Variants in UBE2F observed in about 807,000 individuals in gnomAD.
The protein encoded by UBE2F is NEDD8-conjugating enzyme UBE2F.
Under a neutral mutation model 29.6 loss-of-function variants are expected in UBE2F, and 5 were observed. The observed-to-expected ratio is 0.17, with a 90% confidence interval of 0.09 to 0.36. The LOEUF is 0.36. Among genes scored for constraint, UBE2F ranks in the 10% least tolerant of loss-of-function variants. The pLI, the probability that UBE2F is intolerant of heterozygous loss-of-function variation, is 1.00. For missense variants in UBE2F, 141 were observed against 228.5 expected (o/e 0.62, Z 2.47); for synonymous variants, 66 against 81.8 (o/e 0.81, Z 1.04).
intron 3 of UBE2F, chr2:237,990,283 ACTCTT>A (rs774394563): frequency 8.4e-5 from 32 of 382,056 alleles, no homozygotes; most frequent in Admixed American, 1.4e-4. Context: ...GGTTCATTAT[ACTCTT>A]CTCTTTTATT....
At chr2:238,016,189 AC>A (rs933215854) in intron 4 of UBE2F, among the ~76,000 whole-genome samples, 1 of 152,118 alleles carries the variant, frequency 6.6e-6, no homozygotes, top group Non-Finnish European at 1.5e-5. Context: ...TCTTGGGGAG[AC>A]CAGCAGTAAG....
chr2:237,986,462 G>A (rs2063484687), intron 2 of UBE2F, among the ~76,000 whole-genome samples: 1 of 152,102 alleles, frequency 6.6e-6, no homozygotes, highest in Non-Finnish European at 1.5e-5. Context: ...CACATAGGCT[G>A]CCTTTTTATT....
At chr2:237,996,684 C>T (rs2106355799) in intron 4 of UBE2F, among the ~76,000 whole-genome samples, 1 of 152,180 alleles carries the variant, frequency 6.6e-6, no homozygotes, top group South Asian at 2.1e-4. Flanking sequence ...CTGTGTTGGC[C>T]AGGCTAGTCT....
intron 6 of UBE2F, among the ~76,000 whole-genome samples, chr2:238,028,070 T>G (rs1286554819): frequency 1.3e-5 from 2 of 152,260 alleles, no homozygotes; most frequent in Non-Finnish European, 2.9e-5. Context: ...ATGACATCTC[T>G]GATAGCCAAG....
Position 238,041,389 on chromosome 2 carries a change from C to T in UBE2F, c.*51C>T. 6.3e-7 allele frequency: 1 copy of T among 1,594,404 alleles called. No homozygotes were observed. The highest frequency in any genetic ancestry group is 1.1e-5 in the South Asian group (1 of 90,494). On this transcript the variant is annotated 3_prime_UTR_variant, in exon 10 of 10. Coordinates refer to ENST00000272930, the MANE Select transcript of UBE2F (RefSeq NM_080678.3). Reference sequence around the variant, plus strand: ...GGACTGTGTTACAGTTTGTCTCTAACATGAAACAGCAAGAGGTAGCCCCCT... The same window carrying T: ...GGACTGTGTTACAGTTTGTCTCTAATATGAAACAGCAAGAGGTAGCCCCCT...
rs2064825486 is a variant in UBE2F at position 238,040,981 on chromosome 2, A to G, written c.508-307A>G. Reference sequence around the variant, plus strand: ...GTCTTGGCTTTGTGACCTCGACCACACTTTTCTGGGCTCCACTTTCCCCAT... The same window carrying G: ...GTCTTGGCTTTGTGACCTCGACCACGCTTTTCTGGGCTCCACTTTCCCCAT... On this transcript the variant is annotated intron_variant, in intron 9 of 9. Coordinates refer to ENST00000272930, the MANE Select transcript of UBE2F (RefSeq NM_080678.3). The surrounding 1 kb of genome is among the most constrained non-coding windows in gnomAD (Gnocchi z 4.4). Among the ~76,000 whole-genome samples the G allele has an allele frequency of 6.6e-6, 1 of 152,082 alleles. No individual in the cohort carries two copies. The highest frequency in any genetic ancestry group is 1.5e-5 in the Non-Finnish European group (1 of 68,010).
rs1426439043 is a variant in UBE2F, at chr2:237,993,352, AG to A, written c.149-1391del. The stretch of plus-strand genomic sequence containing the variant: ...GATGTCTGTGGTGCTAAGAGAACAG[AG>A]TAGAAATTTGACCTGGGTTTTTCCT... On this transcript the variant is annotated intron_variant, in intron 3 of 9. Coordinates refer to ENST00000272930, the MANE Select transcript of UBE2F (RefSeq NM_080678.3). Among the ~76,000 whole-genome samples the A allele has an allele frequency of 6.6e-5, 10 of 152,224 alleles. No homozygotes were observed. The East Asian group carries it at 1.5e-3, about 24-fold the overall frequency.
At chr2:238,003,501 T>C in intron 4 of UBE2F, 1 of 433,404 alleles carries the variant, frequency 2.3e-6, no homozygotes. Context: ...AGTCAGATTC[T>C]CTCGTGGGAT....
intron 8 of UBE2F, 24 bp downstream of exon 8, chr2:238,032,278 A>C: frequency 6.3e-7 from 1 of 1,591,200 alleles, no homozygotes; most frequent in Non-Finnish European, 8.6e-7. Flanking sequence ...TCAAAATCCC[A>C]AGTTATTCTC....
chr2:238,029,111 T>C lies in UBE2F; in HGVS notation c.354-1445T>C, dbSNP rs1434300579. 3 of 152,184 alleles carry C rather than the reference T, an allele frequency of 2.0e-5. No homozygotes were observed. The East Asian group carries it at 5.8e-4, about 29-fold the overall frequency. The allele number at this position is 152,184 out of a possible 1,614,324, so 9.4% of individuals were successfully genotyped here. On this transcript the variant is annotated intron_variant, in intron 6 of 9. Coordinates refer to ENST00000272930, the MANE Select transcript of UBE2F (RefSeq NM_080678.3). Reference sequence around the variant, plus strand: ...GTATATGGTGTGCCTTTACAGCTGATAGACAGTAATGACCAGGACTCTCAG... The same window carrying C: ...GTATATGGTGTGCCTTTACAGCTGACAGACAGTAATGACCAGGACTCTCAG...
At chr2:237,980,925 C>T (rs1207741596) in intron 2 of UBE2F, among the ~76,000 whole-genome samples, 1 of 152,128 alleles carries the variant, frequency 6.6e-6, no homozygotes, top group Non-Finnish European at 1.5e-5. Context: ...GTGGGGGCCT[C>T]TGTGGTGATC....
intron 4 of UBE2F, among the ~76,000 whole-genome samples, chr2:238,010,901 G>A (rs760457461): frequency 6.6e-6 from 1 of 152,126 alleles, no homozygotes; most frequent in Admixed American, 6.5e-5. Flanking sequence ...CTTCATGGTA[G>A]CAACTCTGCC....
chr2:237,976,731 A>G lies in UBE2F; in HGVS notation c.118+3506A>G, dbSNP rs574924372. Reference sequence around the variant, plus strand: ...CCTAGAGGCCCCACCTCTTAATACTACCACAGTGGGGATTAAGCTTCAGCA... The same window carrying G: ...CCTAGAGGCCCCACCTCTTAATACTGCCACAGTGGGGATTAAGCTTCAGCA... On this transcript the variant is annotated intron_variant, in intron 2 of 9. Coordinates refer to ENST00000272930, the MANE Select transcript of UBE2F (RefSeq NM_080678.3). Among the ~76,000 whole-genome samples the G allele has an allele frequency of 4.6e-5, 7 of 152,138 alleles. No homozygotes were observed. In the East Asian group the frequency reaches 5.8e-4, roughly 13 times the overall value.
chr2:238,033,436 CT>C (rs2064631851), intron 8 of UBE2F, among the ~76,000 whole-genome samples: 1 of 152,162 alleles, frequency 6.6e-6, no homozygotes, highest in Admixed American at 6.5e-5. Context: ...CCTAAGGTGC[CT>C]CTATGATCTT....
intron 2 of UBE2F, among the ~76,000 whole-genome samples, chr2:237,977,656 T>G (rs2063308488): frequency 6.6e-6 from 1 of 152,052 alleles, no homozygotes; most frequent in African/African-American, 2.4e-5. Context: ...AGTGGTGCTG[T>G]GGAGGCTGCT....
At chr2:238,034,622 CTT>C (rs2064663294) in intron 8 of UBE2F, among the ~76,000 whole-genome samples, 1 of 152,232 alleles carries the variant, frequency 6.6e-6, no homozygotes, top group African/African-American at 2.4e-5. Flanking sequence ...TGATAACAGT[CTT>C]TATCTAATAT....
intron 9 of UBE2F, 44 bp downstream of exon 9, chr2:238,035,984 G>A (rs368919305): frequency 4.6e-6 from 7 of 1,512,370 alleles, no homozygotes; most frequent in Middle Eastern, 1.8e-4. Context: ...TACTTGTCAC[G>A]AACACGATTA....
At chr2:237,971,525 T>C (rs2063176629) in intron 1 of UBE2F, among the ~76,000 whole-genome samples, 2 of 152,164 alleles carry the variant, frequency 1.3e-5, no homozygotes, top group Non-Finnish European at 2.9e-5. Flanking sequence ...GGTTTCACCA[T>C]GTTGGCCAGG....
At chr2:237,971,296 G>T (rs1408482187) in intron 1 of UBE2F, among the ~76,000 whole-genome samples, 1 of 152,130 alleles carries the variant, frequency 6.6e-6, no homozygotes, top group African/African-American at 2.4e-5. Flanking sequence ...GGAAATTATG[G>T]AAATATTGAA....
Sources: allele counts gnomAD v4.1 joint callset (sites outside exome capture counted in the v4.1 genomes callset), GRCh38; gene constraint gnomAD v4.1.1; non-coding constraint Gnocchi (gnomAD v3.1); transcripts MANE v1.5; gene names NCBI Gene and HGNC (gene_info 2026-07-23, HGNC 2026-07-21).